Variants in DDIAS observed in about 807,000 individuals in gnomAD.
DDIAS encodes DNA damage induced apoptosis suppressor.
A neutral mutation model predicts 15.7 loss-of-function variants in DDIAS; 14 were observed. That is an observed-to-expected ratio of 0.89 (90% CI 0.59 to 1.39). The LOEUF is 1.39. DDIAS is among the 40% of genes most tolerant of loss of function. The pLI, the probability that DDIAS is intolerant of heterozygous loss-of-function variation, is 0.00. For synonymous variants in DDIAS, 355 were observed against 395.9 expected (o/e 0.90, Z 1.23); for missense variants, 1,035 against 1,130.9 (o/e 0.92, Z 1.22).
chr11:82,924,557 G>T (rs1006581883), intron 3 of DDIAS, among the ~76,000 whole-genome samples: 4 of 152,100 alleles, frequency 2.6e-5, no homozygotes, highest in African/African-American at 9.7e-5. Flanking sequence ...GCTCATGCCT[G>T]CAATCCCAGC....
chr11:82,928,970 C>A, intron 4 of DDIAS, 32 bp downstream of exon 4: 2 of 1,584,072 alleles, frequency 1.3e-6, no homozygotes, highest in Non-Finnish European at 1.7e-6. Context: ...TTTTTCCTGA[C>A]TGCCCTTAGA....
At chr11:82,929,057 T>C in intron 4 of DDIAS, 119 bp downstream of exon 4, 4 of 1,130,382 alleles carry the variant, frequency 3.5e-6, no homozygotes, top group Non-Finnish European at 2.5e-6. Flanking sequence ...TGTCAATTCC[T>C]TTAAAAGACA....
chr11:82,919,891 A>T (rs1165403773), intron 3 of DDIAS, among the ~76,000 whole-genome samples: 5 of 151,976 alleles, frequency 3.3e-5, no homozygotes, highest in African/African-American at 9.7e-5. Context: ...ATGCCCAGCT[A>T]ATCTTTTGTA....
Position 82,933,963 on chromosome 11 carries a change from A to T in DDIAS, c.2625A>T (p.Ser875=), listed in dbSNP as rs1280561259. Residue 875 remains serine (S), a synonymous_variant, in exon 6 of 6, where the codon TCA becomes TCT. Transcript: ENST00000533655. ...VPPTTQKIFP[S]DMLGFQGIGL... ...CTACCACACAAAAAATATTTCCTTCAGATATGCTTGGATTCCAAGGCATAG... is the reference window on the plus strand; with the variant it reads ...CTACCACACAAAAAATATTTCCTTCTGATATGCTTGGATTCCAAGGCATAG... 1 of 1,612,704 alleles carries T rather than the reference A, an allele frequency of 6.2e-7. No homozygotes were observed.
rs188745564 is a variant in DDIAS at position 82,932,664 on chromosome 11, T to C, written c.1326T>C (p.Ser442=). The change falls in exon 6 of 6, where the codon AGT becomes AGC. Residue 442 remains serine, a synonymous_variant. Transcript: ENST00000533655. ...EIAVTQADVS[S]RKHHVDNDID... Reference sequence around the variant, plus strand: ...CTGTAACCCAGGCAGATGTCAGTAGTAGGAAACATCATGTAGATAATGACA... The same window carrying C: ...CTGTAACCCAGGCAGATGTCAGTAGCAGGAAACATCATGTAGATAATGACA... 64 of 1,614,008 alleles carry C rather than the reference T, an allele frequency of 4.0e-5. No individual in the cohort carries two copies. In the African/African-American group the frequency reaches 7.9e-4, roughly 20 times the overall value.
At chr11:82,925,335 G>T (rs980632569) in intron 3 of DDIAS, among the ~76,000 whole-genome samples, 3 of 151,956 alleles carry the variant, frequency 2.0e-5, no homozygotes, top group Admixed American at 6.6e-5. Flanking sequence ...GATGGCTCAC[G>T]CCTGTAATCC....
At chr11:82,910,612 T>C (rs1361486850) in intron 1 of DDIAS, among the ~76,000 whole-genome samples, 46 of 36,428 alleles carry the variant, frequency 1.3e-3, no homozygotes, top group African/African-American at 6.7e-3. Flanking sequence ...CTCTCTTTTT[T>C]TTTTTTTTTT....
chr11:82,920,646 A>G lies in DDIAS; in HGVS notation c.113+5795A>G, dbSNP rs188558714. On this transcript the variant is annotated intron_variant, in intron 3 of 5. Transcript: ENST00000533655. ...TTCATTTTTGATCCAAGGATCATTC[A>G]GGAGCAGCTTATTTAATTTCCATGT... Among the ~76,000 whole-genome samples, 62 of 152,322 alleles carry G rather than the reference A, an allele frequency of 4.1e-4. 1 individual carries two copies. Among genetic ancestry groups the G allele is most frequent in the African/African-American group, 1.3e-3 (55 of 41,582 alleles).
chr11:82,907,342 A>G (rs1352586996), intron 1 of DDIAS, among the ~76,000 whole-genome samples: 1 of 152,218 alleles, frequency 6.6e-6, no homozygotes, highest in African/African-American at 2.4e-5. Flanking sequence ...ACTACAATAG[A>G]CAAAACAAAT....
At chr11:82,906,777 G>A (rs562392011) in intron 1 of DDIAS, among the ~76,000 whole-genome samples, 1 of 152,228 alleles carries the variant, frequency 6.6e-6, no homozygotes, top group East Asian at 1.9e-4. Flanking sequence ...TATGAAATAA[G>A]GTACTATATA....
rs770701468 is a variant in DDIAS, at chr11:82,933,000, T to C, written c.1662T>C (p.Thr554=). The C allele has an allele frequency of 3.7e-6, 6 of 1,610,598 alleles. No individual in the cohort carries two copies. The highest frequency in any genetic ancestry group is 3.3e-5 in the Admixed American group (2 of 59,982). ...CAAAAGATTTAGAAACAATAGTTAC[T>C]CTTAAGAAGACTATCAGAATCTCAC... ...SSSKDLETIV[T]LKKTIRISPH... The change falls in exon 6 of 6, where the codon ACT becomes ACC. Residue 554 remains threonine (T), a synonymous_variant. Transcript: ENST00000533655.
At chr11:82,922,344 G>A (rs1483799349) in intron 3 of DDIAS, among the ~76,000 whole-genome samples, 5 of 152,138 alleles carry the variant, frequency 3.3e-5, no homozygotes, top group Admixed American at 6.5e-5. Context: ...CAGGAACACC[G>A]ATTATTCTTA....
At chr11:82,902,488 G>A (rs541161021) in intron 1 of DDIAS, among the ~76,000 whole-genome samples, 2 of 150,684 alleles carry the variant, frequency 1.3e-5, no homozygotes, top group South Asian at 4.2e-4. Context: ...ATATTTGACC[G>A]AGGCACTCCC....
intron 1 of DDIAS, among the ~76,000 whole-genome samples, chr11:82,904,085 G>T (rs1860380490): frequency 6.6e-6 from 1 of 152,190 alleles, no homozygotes; most frequent in African/African-American, 2.4e-5. Context: ...TAACTTCTCT[G>T]AGTGGATCAG....
At position 82,933,176 on chromosome 11, in the gene DDIAS, A is replaced by T; in HGVS notation, c.1838A>T (p.Gln613Leu). 1 of 1,612,066 alleles carries T rather than the reference A, an allele frequency of 6.2e-7. No individual in the cohort carries two copies. The highest frequency in any genetic ancestry group is 1.1e-5 in the South Asian group (1 of 90,856). ...VSDLCKLENK[Q>L]YCRWSKNQDD... ...GATCTTTGCAAATTAGAAAATAAAC[A>T]ATATTGTAGGTGGTCCAAGAACCAA... is the stretch of plus-strand genomic sequence containing the variant. Residue 613 changes from glutamine (Q) to leucine (L), a missense_variant, in exon 6 of 6, where the codon CAA becomes CTA. Coordinates refer to ENST00000533655, the MANE Select transcript of DDIAS (RefSeq NM_145018.4).
At chr11:82,929,738 T>G (rs540151123) in intron 4 of DDIAS, among the ~76,000 whole-genome samples, 1 of 151,180 alleles carries the variant, frequency 6.6e-6, no homozygotes, top group Non-Finnish European at 1.5e-5. Context: ...TCCCCCTCAG[T>G]CTTCTGCCCT....
intron 3 of DDIAS, among the ~76,000 whole-genome samples, chr11:82,922,987 G>C (rs1040469785): frequency 2.0e-5 from 3 of 152,316 alleles, no homozygotes; most frequent in Non-Finnish European, 4.4e-5. Flanking sequence ...CAGCCAGTCT[G>C]TCTGGCTCCG....
At chr11:82,930,971 TTCC>T (rs1860971604) in intron 5 of DDIAS, among the ~76,000 whole-genome samples, 1 of 152,078 alleles carries the variant, frequency 6.6e-6, no homozygotes, top group Non-Finnish European at 1.5e-5. Flanking sequence ...TCTCTTCTTT[TTCC>T]TCCTCCCCTT....
intron 3 of DDIAS, among the ~76,000 whole-genome samples, chr11:82,925,287 T>C (rs1282209865): frequency 1.3e-5 from 2 of 152,278 alleles, no homozygotes; most frequent in African/African-American, 4.8e-5. Flanking sequence ...TTCATTTAAT[T>C]TCTCGTTTTA....
Sources: gnomAD v4.1 joint callset for allele counts (sites outside exome capture counted in the v4.1 genomes callset) on GRCh38, gnomAD v4.1.1 for gene constraint, MANE v1.5 for transcripts, NCBI Gene and HGNC (gene_info 2026-07-23, HGNC 2026-07-21) for gene names.